Variants in FHIT observed in about 807,000 individuals in gnomAD.
The protein encoded by FHIT is fragile histidine triad diadenosine triphosphatase.
In FHIT, 19 loss-of-function variants were observed where a neutral mutation model predicts 17.9. That is an observed-to-expected ratio of 1.06 (90% CI 0.74 to 1.56). FHIT has a LOEUF of 1.56. Ranked by LOEUF, FHIT falls within the 40% of genes most tolerant of loss-of-function variation. The probability of loss-of-function intolerance (pLI) is 0.00; values close to 1 mark genes in which losing one functional copy is unlikely to be tolerated. For missense variants in FHIT, 248 were observed against 189.2 expected (o/e 1.31, Z -1.82); for synonymous variants, 81 against 69.7 (o/e 1.16, Z -0.81).
chr3:60,033,120 C>A (rs1701070228), intron 5 of FHIT, among the ~76,000 whole-genome samples: 1 of 151,956 alleles, frequency 6.6e-6, no homozygotes, highest in South Asian at 2.1e-4. Flanking sequence ...GGATCCTGAT[C>A]CAACCAAGCA....
chr3:60,912,406 T>A (rs888815007), intron 3 of FHIT, among the ~76,000 whole-genome samples: 2 of 152,106 alleles, frequency 1.3e-5, no homozygotes, highest in Non-Finnish European at 2.9e-5. Flanking sequence ...AACAAACTGA[T>A]GACAGTTATC....
chr3:60,584,839 A>G (rs969727759), intron 4 of FHIT, among the ~76,000 whole-genome samples: 2 of 152,114 alleles, frequency 1.3e-5, no homozygotes, highest in South Asian at 4.1e-4. Flanking sequence ...ATATCTAGCA[A>G]TGTTCTAATG....
intron 8 of FHIT, among the ~76,000 whole-genome samples, chr3:59,882,944 T>C (rs1159968603): frequency 6.6e-6 from 1 of 152,174 alleles, no homozygotes; most frequent in Non-Finnish European, 1.5e-5. Flanking sequence ...AAAATGAGAA[T>C]GTTCAGTGGA....
intron 8 of FHIT, among the ~76,000 whole-genome samples, chr3:59,848,781 A>G (rs901536170): frequency 1.6e-4 from 24 of 152,178 alleles, no homozygotes; most frequent in Non-Finnish European, 2.6e-4. Context: ...GCCATTGTAA[A>G]GCTCTACCAG....
chr3:60,358,672 A>C (rs970742019), intron 5 of FHIT, among the ~76,000 whole-genome samples: 1 of 152,202 alleles, frequency 6.6e-6, no homozygotes. Context: ...CAGATACAAC[A>C]TGGTAGGTCT....
intron 5 of FHIT, among the ~76,000 whole-genome samples, chr3:60,383,810 TC>T (rs1445231193): frequency 6.6e-6 from 1 of 152,210 alleles, no homozygotes; most frequent in Non-Finnish European, 1.5e-5. Context: ...ATCCTGTCTC[TC>T]TAAACAACAG....
In FHIT at chr3:61,111,563, A is replaced by G. The variant is rs2036160713; in HGVS notation, c.-163-69464T>C. On this transcript the variant is annotated intron_variant, in intron 2 of 9. Transcript: ENST00000492590. ...GAGGAAAGAATATATGGACAAATAA[A>G]AAAACACTTCCACACCTCCCCAGCT... Among the ~76,000 whole-genome samples the G allele has an allele frequency of 2.0e-5, 3 of 152,214 alleles. No individual in the cohort carries two copies. The South Asian group carries it at 6.2e-4, about 32-fold the overall frequency.
At chr3:60,089,443 T>C (rs892517405) in intron 5 of FHIT, among the ~76,000 whole-genome samples, 6 of 152,134 alleles carry the variant, frequency 3.9e-5, no homozygotes, top group African/African-American at 1.2e-4. Context: ...GCTCAACAAA[T>C]GTTGGATGAA....
intron 5 of FHIT, among the ~76,000 whole-genome samples, chr3:60,357,204 TTTTG>T (rs148313403): frequency 0.01 from 1,553 of 152,178 alleles, 30 homozygotes; most frequent in African/African-American, 0.035. Flanking sequence ...ATCACTTGTT[TTTTG>T]TTTGTTTGTT....
At chr3:61,037,757 A>G (rs2033327581) in intron 3 of FHIT, among the ~76,000 whole-genome samples, 1 of 152,212 alleles carries the variant, frequency 6.6e-6, no homozygotes, top group East Asian at 1.9e-4. Flanking sequence ...TCCTTCTGCC[A>G]TTGGATGACT....
intron 3 of FHIT, among the ~76,000 whole-genome samples, chr3:60,993,088 T>C (rs116465962): frequency 0.023 from 3,426 of 152,198 alleles, 61 homozygotes; most frequent in African/African-American, 0.049. Context: ...CAACCTGAAA[T>C]TCAAATTGGT....
chr3:59,848,023 G>C (rs1474615991), intron 8 of FHIT, among the ~76,000 whole-genome samples: 2 of 152,142 alleles, frequency 1.3e-5, no homozygotes, highest in Non-Finnish European at 2.9e-5. Context: ...AACAATAATG[G>C]CTACCACCTC....
chr3:60,854,849 T>C (rs1703313162), intron 3 of FHIT, among the ~76,000 whole-genome samples: 1 of 152,104 alleles, frequency 6.6e-6, no homozygotes, highest in Non-Finnish European at 1.5e-5. Context: ...CCAAACAAAA[T>C]CAGATTTCTG....
At chr3:60,583,925 A>G (rs1019048789) in intron 4 of FHIT, among the ~76,000 whole-genome samples, 4 of 152,048 alleles carry the variant, frequency 2.6e-5, no homozygotes, top group Admixed American at 2.0e-4. Flanking sequence ...TCACATCAGC[A>G]CTCTGGGAAA....
At chr3:60,608,023 G>A (rs1484999836) in intron 4 of FHIT, among the ~76,000 whole-genome samples, 3 of 152,154 alleles carry the variant, frequency 2.0e-5, no homozygotes, top group Non-Finnish European at 2.9e-5. Flanking sequence ...TGAGGATTAA[G>A]GGCAGGTACT....
chr3:61,065,182 T>C (rs2034559048), intron 2 of FHIT, among the ~76,000 whole-genome samples: 1 of 152,050 alleles, frequency 6.6e-6, no homozygotes, highest in South Asian at 2.1e-4. Flanking sequence ...GCTTCCAATA[T>C]TCAAGGAAAG....
chr3:60,302,381 A>G (rs1456741801), intron 5 of FHIT, among the ~76,000 whole-genome samples: 1 of 152,008 alleles, frequency 6.6e-6, no homozygotes, highest in Non-Finnish European at 1.5e-5. Context: ...GCCTACTCCA[A>G]CCCTGCATAA....
rs60401635 is a variant in FHIT, at chr3:60,237,906, C to A, written c.104-223754G>T. Among the ~76,000 whole-genome samples the A allele has an allele frequency of 4.4e-3, 673 of 151,932 alleles. 7 individuals are homozygous for A. Among genetic ancestry groups the A allele is most frequent in the African/African-American group, 0.016 (649 of 41,452 alleles). On this transcript the variant is annotated intron_variant, in intron 5 of 9. Transcript: ENST00000492590. ...ATCCCAGTACTTTGGGAGGCCGAGG[C>A]GGGTGGATCACCTGAGGTCAGGAGT... is the stretch of plus-strand genomic sequence containing the variant.
chr3:60,649,395 C>G (rs1370676837), intron 4 of FHIT, among the ~76,000 whole-genome samples: 1 of 152,036 alleles, frequency 6.6e-6, no homozygotes, highest in Admixed American at 6.6e-5. Context: ...GAGCGAGAGT[C>G]CATCTCAAAA....
Sources: allele counts gnomAD v4.1 joint callset (sites outside exome capture counted in the v4.1 genomes callset), GRCh38; gene constraint gnomAD v4.1.1; transcripts MANE v1.5; gene names NCBI Gene and HGNC (gene_info 2026-07-23, HGNC 2026-07-21).